Variants in ADCY2 observed in about 807,000 individuals in gnomAD.
The protein encoded by ADCY2 is adenylate cyclase type 2.
A neutral mutation model predicts 125.2 loss-of-function variants in ADCY2; 31 were observed. The ratio of observed to expected loss-of-function variants is 0.25; its 90% CI spans 0.19 to 0.33. ADCY2 has a LOEUF of 0.33. Among genes scored for constraint, ADCY2 ranks in the 10% least tolerant of loss-of-function variants. The pLI is 1.00. For missense variants in ADCY2, 904 were observed against 1,418.2 expected (o/e 0.64, Z 5.82); for synonymous variants, 512 against 548.4 (o/e 0.93, Z 0.93).
intron 4 of ADCY2, among the ~76,000 whole-genome samples, chr5:7,627,192 T>A (rs565800188): frequency 1.1e-4 from 17 of 151,994 alleles, no homozygotes; most frequent in African/African-American, 3.4e-4. Context: ...GATTGAAGAG[T>A]CTGGGGAGGA....
intron 12 of ADCY2, among the ~76,000 whole-genome samples, 194 bp downstream of exon 12, chr5:7,717,431 G>T (rs370807130): frequency 2.0e-4 from 31 of 152,156 alleles, no homozygotes; most frequent in African/African-American, 6.5e-4. Flanking sequence ...TTTAATCCCT[G>T]CCTAGAAAAT....
chr5:7,739,059 CTAAT>C (rs1341747932), intron 14 of ADCY2, among the ~76,000 whole-genome samples: 2 of 151,752 alleles, frequency 1.3e-5, no homozygotes, highest in African/African-American at 2.4e-5. Context: ...CTTCCTAAAA[CTAAT>C]TAATGTTTCA....
At chr5:7,680,595 T>C (rs1456558390) in intron 4 of ADCY2, among the ~76,000 whole-genome samples, 1 of 152,208 alleles carries the variant, frequency 6.6e-6, no homozygotes, top group African/African-American at 2.4e-5. Flanking sequence ...TCCTCTGGAC[T>C]TAAAGTTTTG....
At chr5:7,681,527 G>C (rs1041925837) in intron 4 of ADCY2, among the ~76,000 whole-genome samples, 2 of 152,182 alleles carry the variant, frequency 1.3e-5, no homozygotes, top group African/African-American at 4.8e-5. Flanking sequence ...TCAGGATTCA[G>C]TCATGTGTTC....
intron 2 of ADCY2, 58 bp downstream of exon 2, chr5:7,414,828 G>T (rs552569662): frequency 1.4e-6 from 2 of 1,456,762 alleles, no homozygotes; most frequent in Admixed American, 2.5e-5. Context: ...GACATACTTA[G>T]TTCTGTAAAC....
chr5:7,524,748 G>T (rs757540144), intron 3 of ADCY2, among the ~76,000 whole-genome samples: 1 of 152,126 alleles, frequency 6.6e-6, no homozygotes, highest in Non-Finnish European at 1.5e-5. Flanking sequence ...CTCCCGGAGC[G>T]CAATCAGGGC....
intron 7 of ADCY2, among the ~76,000 whole-genome samples, chr5:7,700,360 C>A (rs1741038058): frequency 6.6e-6 from 1 of 152,078 alleles, no homozygotes; most frequent in Admixed American, 6.5e-5. Context: ...GCAGTACCTT[C>A]TTTAATAATG....
chr5:7,546,298 C>T (rs10512928), intron 3 of ADCY2, among the ~76,000 whole-genome samples: 22,198 of 152,178 alleles, frequency 0.15, 2,144 homozygotes, highest in Non-Finnish European at 0.21. Flanking sequence ...CTAAATACAT[C>T]GATGATAATA....
At chr5:7,665,625 C>T (rs921785301) in intron 4 of ADCY2, among the ~76,000 whole-genome samples, 1 of 151,920 alleles carries the variant, frequency 6.6e-6, no homozygotes, top group Non-Finnish European at 1.5e-5. Context: ...CACACCTGGA[C>T]ATGGATGATG....
intron 7 of ADCY2, among the ~76,000 whole-genome samples, chr5:7,700,849 T>G (rs1473330927): frequency 6.6e-6 from 1 of 151,244 alleles, no homozygotes; most frequent in Non-Finnish European, 1.5e-5. Context: ...AGATCAGAAA[T>G]GGGAGGGAAA....
In ADCY2 at chr5:7,654,145, G is replaced by A. The variant is rs1285366989; in HGVS notation, c.720+27829G>A. 5 of 455,818 alleles carry A rather than the reference G, an allele frequency of 1.1e-5. No homozygotes were observed. The Admixed American group carries it at 1.2e-4, about 11-fold the overall frequency. The allele number at this position is 455,818 out of a possible 1,614,324, so 28.2% of individuals were successfully genotyped here. On this transcript the variant is annotated intron_variant, in intron 4 of 24. Transcript: ENST00000338316. ...TCAGAGAGCCAGGAGATAAAGAGAA[G>A]TCAGGAAAGGGCCTTGGGAAGAGAT...
At chr5:7,475,327 G>C (rs1742482498) in intron 2 of ADCY2, among the ~76,000 whole-genome samples, 2 of 152,156 alleles carry the variant, frequency 1.3e-5, no homozygotes, top group South Asian at 4.1e-4. Flanking sequence ...GGAGAGGGCG[G>C]ATGTGAAGTC....
chr5:7,430,114 AT>A (rs1740534651), intron 2 of ADCY2, among the ~76,000 whole-genome samples: 1 of 152,186 alleles, frequency 6.6e-6, no homozygotes, highest in South Asian at 2.1e-4. Flanking sequence ...TATAGATAAA[AT>A]GGGCAAATTT....
chr5:7,688,680 C>T (rs1443501307), intron 4 of ADCY2, among the ~76,000 whole-genome samples: 1 of 152,152 alleles, frequency 6.6e-6, no homozygotes, highest in East Asian at 1.9e-4. Context: ...TTTGGCCTCA[C>T]ACCCAATTAT....
chr5:7,618,803 G>T (rs1737850459), intron 3 of ADCY2, among the ~76,000 whole-genome samples: 1 of 152,174 alleles, frequency 6.6e-6, no homozygotes, highest in South Asian at 2.1e-4. Flanking sequence ...CCAGAACCAG[G>T]CAAAGTGTAT....
At chr5:7,694,696 C>A (rs2126318898) in intron 5 of ADCY2, among the ~76,000 whole-genome samples, 1 of 152,332 alleles carries the variant, frequency 6.6e-6, no homozygotes, top group South Asian at 2.1e-4. Context: ...ATTCGGTTTG[C>A]TTCCATCTTT....
chr5:7,565,090 G>C (rs1182534035), intron 3 of ADCY2, among the ~76,000 whole-genome samples: 1 of 152,198 alleles, frequency 6.6e-6, no homozygotes, highest in Non-Finnish European at 1.5e-5. Flanking sequence ...GCCACTCAGA[G>C]CCTGGAATAA....
At chr5:7,780,241 G>A (rs113054142) in intron 18 of ADCY2, among the ~76,000 whole-genome samples, 3 of 152,176 alleles carry the variant, frequency 2.0e-5, no homozygotes, top group African/African-American at 7.2e-5. Flanking sequence ...CTTGTTTTAC[G>A]CAGGACAATG....
At chr5:7,514,468 G>A (rs183349100) in intron 2 of ADCY2, among the ~76,000 whole-genome samples, 61 of 152,304 alleles carry the variant, frequency 4.0e-4, no homozygotes, top group Non-Finnish European at 6.5e-4. Flanking sequence ...AATGGAACAT[G>A]GGATGTGAAG....
Sources: allele counts gnomAD v4.1 joint callset (sites outside exome capture counted in the v4.1 genomes callset), GRCh38; gene constraint gnomAD v4.1.1; transcripts MANE v1.5; gene names NCBI Gene and HGNC (gene_info 2026-07-23, HGNC 2026-07-21).